The following DIP2A variants were observed in gnomAD, a reference collection of about 807,000 sequenced individuals.
DIP2A encodes the protein disco-interacting protein 2 homolog A.
Under a neutral mutation model 177.4 loss-of-function variants are expected in DIP2A, and 85 were observed. The observed-to-expected ratio is 0.48, with a 90% CI of 0.40 to 0.57. DIP2A has a LOEUF of 0.57. Ranked by LOEUF, DIP2A falls within the 20% of genes least tolerant of loss-of-function variation. The probability of loss-of-function intolerance (pLI) is 0.00; values close to 1 mark genes in which losing one functional copy is unlikely to be tolerated. For missense variants in DIP2A, 1,791 were observed against 2,100.2 expected, an observed-to-expected ratio of 0.85 and a Z score of 2.88; for synonymous variants, 886 against 881.8, an observed-to-expected ratio of 1.00 and a Z score of -0.08.
At chr21:46,525,863 C>CATT (rs372308833) in intron 8 of DIP2A, 14 of 133,054 alleles carry the variant, frequency 1.1e-4, no homozygotes, top group East Asian at 4.3e-4. Flanking sequence ...AACACCTTTG[C>CATT]ATTATTATTA....
chr21:46,554,509 A>C, intron 26 of DIP2A, 66 bp from the exon 27 acceptor site: 1 of 1,589,046 alleles, frequency 6.3e-7, no homozygotes, highest in African/African-American at 1.3e-5. Flanking sequence ...TCGCAGGAAC[A>C]GTGAACAGAG....
At position 46,484,848 on chromosome 21, in the gene DIP2A, G is replaced by A. The variant is rs754094478; in HGVS notation, c.163+20G>A. On this transcript the variant is annotated intron_variant, in intron 2 of 37. Coordinates refer to ENST00000417564, the MANE Select transcript of DIP2A (RefSeq NM_015151.4). ...TTCAAGGTAAGGTCAATACACTCAG[G>A]TGTTACATAGCAATTATATTGTTTC... is the stretch of plus-strand genomic sequence containing the variant. 8.1e-5 allele frequency: 125 copies of A among 1,536,268 alleles called. No individual in the cohort carries two copies. Among genetic ancestry groups the A allele is most frequent in the Non-Finnish European group, 1.1e-4 (120 of 1,142,752 alleles).
chr21:46,490,655 G>A lies in DIP2A; in HGVS notation c.219G>A (p.Thr73=), dbSNP rs961990366. ...GAATTCCTGGGCCCTCACAAACCACGGCCGCTGCACCCAAGCAGCAGAAGT... is the reference window on the plus strand; with the variant it reads ...GAATTCCTGGGCCCTCACAAACCACAGCCGCTGCACCCAAGCAGCAGAAGT... ...ENRIPGPSQT[T]AAAPKQQKSR... The change falls in exon 3 of 38, where the codon ACG becomes ACA. Residue 73 remains threonine (T), a synonymous_variant. Transcript: ENST00000417564. 1.4e-5 allele frequency: 22 copies of A among 1,589,456 alleles called. No homozygotes were observed. The highest frequency in any genetic ancestry group is 2.3e-5 in the East Asian group (1 of 43,730).
chr21:46,506,611 C>T (rs2057996265), intron 6 of DIP2A, among the ~76,000 whole-genome samples: 2 of 152,042 alleles, frequency 1.3e-5, no homozygotes, highest in Non-Finnish European at 2.9e-5. Flanking sequence ...ATTTCCCTAA[C>T]GGCTGATGGT....
intron 13 of DIP2A, among the ~76,000 whole-genome samples, chr21:46,536,087 G>T (rs1358061989): frequency 6.6e-6 from 1 of 152,212 alleles, no homozygotes; most frequent in African/African-American, 2.4e-5. Context: ...ATAAGACCTC[G>T]TCTCTAAATA....
chr21:46,579,905 C>T, the DIP2A span, among the ~76,000 whole-genome samples: 1 of 152,084 alleles, frequency 6.6e-6, no homozygotes, highest in Non-Finnish European at 1.5e-5. Context: ...CCATGTGGTG[C>T]CAAGAAGAAT....
chr21:46,567,322 G>A lies in DIP2A; in HGVS notation c.4464-48G>A, dbSNP rs534191607. The A allele has an allele frequency of 1.4e-5, 22 of 1,574,754 alleles. No homozygotes were observed. In the Middle Eastern group the frequency reaches 5.1e-4, roughly 37 times the overall value. Reference sequence around the variant, plus strand: ...CTTTCCCAAGCATTCATTGGCCCCTGTGACCTGTGCCTGTATCCATGTGAC... The same window carrying A: ...CTTTCCCAAGCATTCATTGGCCCCTATGACCTGTGCCTGTATCCATGTGAC... On this transcript the variant is annotated intron_variant, in intron 37 of 37. Transcript: ENST00000417564.
Position 46,533,523 on chromosome 21 carries a change from G to A in DIP2A, c.1306-1G>A. 1.2e-6 allele frequency: 2 copies of A among 1,613,034 alleles called. No individual in the cohort carries two copies. The highest frequency in any genetic ancestry group is 1.7e-6 in the Non-Finnish European group (2 of 1,179,474). On this transcript the variant is annotated splice_acceptor_variant, in intron 10 of 37. Coordinates refer to ENST00000417564, the MANE Select transcript of DIP2A (RefSeq NM_015151.4). LOFTEE classifies it high-confidence loss of function. ...CCACACGGTCACTCTGCTTTCTGCA[G>A]GATGCAGGCAGCCAGCAGGTTGGGT...
intron 1 of DIP2A, among the ~76,000 whole-genome samples, chr21:46,479,819 C>T (rs758039198): frequency 6.6e-6 from 1 of 152,200 alleles, no homozygotes; most frequent in Non-Finnish European, 1.5e-5. Context: ...AGATGTGAGC[C>T]ACCATGCTTG....
chr21:46,494,152 T>C (rs1702369462), intron 3 of DIP2A, among the ~76,000 whole-genome samples: 1 of 152,248 alleles, frequency 6.6e-6, no homozygotes, highest in African/African-American at 2.4e-5. Flanking sequence ...AATGTTCATA[T>C]GGCTTTTGCT....
intron 1 of DIP2A, among the ~76,000 whole-genome samples, chr21:46,468,159 G>A (rs2055010555): frequency 6.6e-6 from 1 of 151,602 alleles, no homozygotes; most frequent in Non-Finnish European, 1.5e-5. Flanking sequence ...CCAGCTACTC[G>A]GGAGACTGAG....
intron 9 of DIP2A, among the ~76,000 whole-genome samples, chr21:46,531,381 G>A (rs2059350067): frequency 6.6e-6 from 1 of 152,200 alleles, no homozygotes; most frequent in Admixed American, 6.5e-5. Context: ...AGCAACGCAA[G>A]TAGAAATGGA....
chr21:46,541,419 G>A (rs368307495), intron 17 of DIP2A, among the ~76,000 whole-genome samples: 40 of 152,242 alleles, frequency 2.6e-4, no homozygotes, highest in African/African-American at 8.9e-4. Flanking sequence ...CCTCAACACC[G>A]TCCTTCTGTT....
intron 8 of DIP2A, among the ~76,000 whole-genome samples, chr21:46,527,243 G>A (rs1025261559): frequency 2.7e-5 from 4 of 147,920 alleles, no homozygotes; most frequent in African/African-American, 9.9e-5. Context: ...GCTGGATTCA[G>A]TTTGAAATTC....
intron 18 of DIP2A, among the ~76,000 whole-genome samples, chr21:46,543,197 G>A (rs2059889660): frequency 2.0e-5 from 3 of 151,830 alleles, no homozygotes; most frequent in African/African-American, 7.3e-5. Context: ...AGTCTTGCAC[G>A]GTGCTTGAAC....
intron 8 of DIP2A, among the ~76,000 whole-genome samples, chr21:46,512,089 C>T (rs374504347): frequency 1.3e-5 from 2 of 152,120 alleles, no homozygotes; most frequent in African/African-American, 4.8e-5. Flanking sequence ...CAAAGGGTAA[C>T]TACTGTCCTG....
intron 13 of DIP2A, among the ~76,000 whole-genome samples, chr21:46,536,214 A>AGTGCTGTGGCCTTTGGC (rs2059563136): frequency 6.6e-6 from 1 of 152,244 alleles, no homozygotes; most frequent in African/African-American, 2.4e-5. Context: ...TTGCCTTTGG[A>AGTGCTGTGGCCTTTGGC]GTGCTGTGGC....
intron 16 of DIP2A, 79 bp from the exon 17 acceptor site, chr21:46,539,798 A>C (rs955278445): frequency 8.2e-7 from 1 of 1,215,608 alleles, no homozygotes; most frequent in Non-Finnish European, 1.2e-6. Context: ...AGGCTGCGCT[A>C]ACTTGAGCAT....
At chr21:46,476,238 G>A (rs558774789) in intron 1 of DIP2A, among the ~76,000 whole-genome samples, 3 of 122,264 alleles carry the variant, frequency 2.5e-5, no homozygotes, top group South Asian at 2.6e-4. Context: ...TCAAGACTCC[G>A]TCTCAAAAAA....
Sources: allele counts gnomAD v4.1 joint callset (sites outside exome capture counted in the v4.1 genomes callset), GRCh38; gene constraint gnomAD v4.1.1; transcripts MANE v1.5; gene names NCBI Gene and HGNC (gene_info 2026-07-23, HGNC 2026-07-21).